The following ANOS1 variants were observed in gnomAD, a reference collection of about 807,000 sequenced individuals.
ANOS1 encodes the protein anosmin 1, also known as anosmin-1.
Under a neutral mutation model 59.0 loss-of-function variants are expected in ANOS1, and 6 were observed. The observed-to-expected ratio is 0.10, with a 90% CI of 0.06 to 0.20. The LOEUF (loss-of-function observed/expected upper bound fraction) is 0.20. Among genes scored for constraint, ANOS1 ranks in the 10% least tolerant of loss-of-function variants. The pLI is 1.00. For synonymous variants in ANOS1, 217 were observed against 223.4 expected (o/e 0.97, Z 0.25); for missense variants, 433 against 542.3 (o/e 0.80, Z 2.00).
chrX:8,615,272 C>T (rs899313210), intron 3 of ANOS1, among the ~76,000 whole-genome samples: 1 of 111,389 alleles, frequency 9.0e-6, no homozygotes, highest in Admixed American at 9.5e-5. Flanking sequence ...TGGCTGAGTG[C>T]GGTGGCTCAC....
intron 1 of ANOS1, among the ~76,000 whole-genome samples, chrX:8,722,828 G>A (rs756019237): frequency 8.9e-6 from 1 of 112,394 alleles, no homozygotes; most frequent in Non-Finnish European, 1.9e-5. Context: ...CAGTGGTGTA[G>A]AAGTGTTCCC....
chrX:8,713,590 C>T (rs1932824524), intron 1 of ANOS1, among the ~76,000 whole-genome samples: 1 of 110,454 alleles, frequency 9.1e-6, no homozygotes, highest in South Asian at 3.9e-4. Flanking sequence ...CTCCAAATGT[C>T]TCCTTTCTTT....
At chrX:8,704,238 A>G (rs1467430941) in intron 1 of ANOS1, among the ~76,000 whole-genome samples, 1 of 111,931 alleles carries the variant, frequency 8.9e-6, no homozygotes, top group Non-Finnish European at 1.9e-5. Context: ...AGTCTCAGGT[A>G]TGTCGTTATT....
At chrX:8,636,356 C>T (rs1931573027) in intron 2 of ANOS1, among the ~76,000 whole-genome samples, 1 of 111,651 alleles carries the variant, frequency 9.0e-6, no homozygotes, top group African/African-American at 3.3e-5. Context: ...TGCTCTTTGT[C>T]CCTGTGTTAA....
intron 2 of ANOS1, among the ~76,000 whole-genome samples, chrX:8,624,377 A>G (rs1239280624): frequency 9.0e-6 from 1 of 111,731 alleles, no homozygotes; most frequent in Non-Finnish European, 1.9e-5. Flanking sequence ...AGTTAATATT[A>G]CATTTCTTTT....
At chrX:8,691,998 T>C (rs1362300098) in intron 2 of ANOS1, among the ~76,000 whole-genome samples, 1 of 111,907 alleles carries the variant, frequency 8.9e-6, no homozygotes, top group Non-Finnish European at 1.9e-5. Context: ...TTTTAAGATA[T>C]GTCTTTGTAT....
intron 3 of ANOS1, among the ~76,000 whole-genome samples, chrX:8,612,798 T>C (rs1931085581): frequency 9.0e-6 from 1 of 111,588 alleles, no homozygotes; most frequent in South Asian, 3.7e-4. Flanking sequence ...AGGTTATAAA[T>C]GCTACTAAAG....
intron 3 of ANOS1, among the ~76,000 whole-genome samples, chrX:8,622,077 G>T (rs1025015598): frequency 1.8e-5 from 2 of 111,223 alleles, no homozygotes; most frequent in African/African-American, 3.3e-5. Flanking sequence ...ATCTCAAGGG[G>T]CCCAAACCCA....
intron 7 of ANOS1, among the ~76,000 whole-genome samples, chrX:8,569,034 T>C (rs893371231): frequency 2.7e-5 from 3 of 111,833 alleles, no homozygotes; most frequent in African/African-American, 9.8e-5. Context: ...GGAAAAATTA[T>C]GAATTGGCAC....
At chrX:8,729,168 G>A (rs1274533469) in intron 1 of ANOS1, among the ~76,000 whole-genome samples, 4 of 110,995 alleles carry the variant, frequency 3.6e-5, no homozygotes, top group Non-Finnish European at 7.5e-5. Flanking sequence ...CATACCTGGC[G>A]GGCATCCAGG....
chrX:8,648,617 C>T (rs1318560642), intron 2 of ANOS1, among the ~76,000 whole-genome samples: 4 of 111,569 alleles, frequency 3.6e-5, no homozygotes, highest in African/African-American at 6.5e-5. Context: ...TTAAAAATTG[C>T]TGTATCTAAG....
intron 2 of ANOS1, among the ~76,000 whole-genome samples, chrX:8,684,639 G>A (rs1183528184): frequency 1.8e-5 from 2 of 110,494 alleles, no homozygotes; most frequent in East Asian, 2.8e-4. Context: ...AGCCAACCTC[G>A]AATGCCTGCC....
chrX:8,563,085 A>G, intron 8 of ANOS1, among the ~76,000 whole-genome samples: 1 of 112,337 alleles, frequency 8.9e-6, no homozygotes, highest in Non-Finnish European at 1.9e-5. Flanking sequence ...CAAACATTCA[A>G]CTGTATCCTA....
intron 9 of ANOS1, among the ~76,000 whole-genome samples, chrX:8,541,229 C>T (rs940525529): frequency 9.4e-6 from 1 of 105,990 alleles, no homozygotes; most frequent in African/African-American, 3.5e-5. Context: ...ATGGTGAAAC[C>T]CCCTCTCTAC....
chrX:8,596,966 C>G (rs1220921929), intron 4 of ANOS1, 68 bp downstream of exon 4: 1 of 1,201,355 alleles, frequency 8.3e-7, no homozygotes, highest in Non-Finnish European at 1.1e-6. Flanking sequence ...GATGGACACC[C>G]TTCCCTAGGC....
At chrX:8,621,047 T>C (rs7051071) in intron 3 of ANOS1, among the ~76,000 whole-genome samples, 1,914 of 112,036 alleles carry the variant, frequency 0.017, 44 homozygotes, top group African/African-American at 0.059. Context: ...AATAAATTTA[T>C]AAAACAAACA....
intron 12 of ANOS1, 33 bp from the exon 13 acceptor site, chrX:8,534,493 G>T: frequency 5.8e-6 from 7 of 1,197,746 alleles, no homozygotes; most frequent in Non-Finnish European, 7.9e-6. Context: ...CATGCTCACC[G>T]ACAACCTTTC....
chrX:8,656,972 C>A (rs1038194513), intron 2 of ANOS1, among the ~76,000 whole-genome samples: 1 of 111,848 alleles, frequency 8.9e-6, no homozygotes, highest in African/African-American at 3.3e-5. Flanking sequence ...CATGGTGCCC[C>A]TAGGACCATG....
intron 2 of ANOS1, among the ~76,000 whole-genome samples, chrX:8,673,622 A>C (rs985387065): frequency 9.0e-6 from 1 of 110,600 alleles, no homozygotes; most frequent in Non-Finnish European, 1.9e-5. Flanking sequence ...TGCAGCACAC[A>C]CAGCTCCTGA....
Sources: gnomAD v4.1 joint callset for allele counts (sites outside exome capture counted in the v4.1 genomes callset) on GRCh38, gnomAD v4.1.1 for gene constraint, MANE v1.5 for transcripts, NCBI Gene and HGNC (gene_info 2026-07-23, HGNC 2026-07-21) for gene names.